The following SORL1 variants were observed in gnomAD, a reference collection of about 807,000 sequenced individuals.
SORL1 encodes the protein sortilin related receptor 1, also known as sortilin-related receptor.
A neutral mutation model predicts 273.7 loss-of-function variants in SORL1; 127 were observed. The observed-to-expected ratio is 0.46, with a 90% CI of 0.40 to 0.54. The LOEUF is 0.54. SORL1 is among the 20% of genes least tolerant of loss of function. The pLI is 0.00. For synonymous variants in SORL1, 1,031 were observed against 1,067.4 expected (o/e 0.97, Z 0.66); for missense variants, 2,494 against 2,846.1 (o/e 0.88, Z 2.81).
chr11:121,565,666 TC>T (rs981958633), intron 21 of SORL1, among the ~76,000 whole-genome samples: 36 of 152,314 alleles, frequency 2.4e-4, no homozygotes, highest in African/African-American at 8.4e-4. Flanking sequence ...ATAATTGCAG[TC>T]AAAAGAAAAA....
chr11:121,604,439 T>G lies in SORL1; in HGVS notation c.4651+115T>G. 3.7e-6 allele frequency: 5 copies of G among 1,338,732 alleles called. 1 individual carries two copies. The South Asian group carries it at 7.4e-5, about 20-fold the overall frequency. 82.9% of individuals were successfully genotyped at this position (1,338,732 alleles called of 1,614,324 possible). A position where few individuals can be genotyped will look rare whatever the true frequency, so the allele number is the denominator to read the frequency against. ...GACCCTTTTGAACTGTTGCTCAATC[T>G]AAGGATAAAACAGATTTGTGCCTAG... On this transcript the variant is annotated intron_variant, in intron 33 of 47. Coordinates refer to ENST00000260197, the MANE Select transcript of SORL1 (RefSeq NM_003105.6).
intron 7 of SORL1, among the ~76,000 whole-genome samples, chr11:121,513,803 A>G (rs1861913195): frequency 6.6e-6 from 1 of 152,246 alleles, no homozygotes; most frequent in African/African-American, 2.4e-5. Flanking sequence ...GGAAAAATAA[A>G]GGGAAGTGCA....
chr11:121,630,866 A>C lies in SORL1; in HGVS notation c.*1303A>C, dbSNP rs536121407. The C allele has an allele frequency of 6.6e-6, 1 of 152,224 alleles. No homozygotes were observed. Among genetic ancestry groups the C allele is most frequent in the African/African-American group, 2.4e-5 (1 of 41,444 alleles). 9.4% of individuals were successfully genotyped at this position (152,224 alleles called of 1,614,324 possible). On this transcript the variant is annotated 3_prime_UTR_variant, in exon 48 of 48. Transcript: ENST00000260197. ...TTCAAACCATGGCCACTTGATACTTATGTAGAATCCATCGTGGGCTGATGC... is the reference window on the plus strand; with the variant it reads ...TTCAAACCATGGCCACTTGATACTTCTGTAGAATCCATCGTGGGCTGATGC...
chr11:121,560,802 G>A lies in SORL1; in HGVS notation c.3049+1145G>A, dbSNP rs1862660992. Among the ~76,000 whole-genome samples the A allele has an allele frequency of 2.0e-5, 3 of 152,204 alleles. No individual in the cohort carries two copies. The South Asian group carries it at 6.2e-4, about 32-fold the overall frequency. ...TCTTCACCACTGACCTGTGAGGTAG[G>A]GAAGGCTGGTATTATGATCCATGGT... is the stretch of plus-strand genomic sequence containing the variant. On this transcript the variant is annotated intron_variant, in intron 21 of 47. Transcript: ENST00000260197.
chr11:121,616,316 C>T (rs773822842), intron 41 of SORL1, among the ~76,000 whole-genome samples: 9 of 152,138 alleles, frequency 5.9e-5, no homozygotes, highest in Non-Finnish European at 8.8e-5. Context: ...GAGGTGAGAG[C>T]GCAAATGAGA....
In SORL1 at chr11:121,627,888, C is replaced by A; in HGVS notation, c.6577+121C>A. The A allele has an allele frequency of 1.5e-6, 1 of 655,586 alleles. No individual in the cohort carries two copies. Among genetic ancestry groups the A allele is most frequent in the Non-Finnish European group, 2.6e-6 (1 of 384,908 alleles). 40.6% of individuals were successfully genotyped at this position (655,586 alleles called of 1,614,324 possible). A position where few individuals can be genotyped will look rare whatever the true frequency, so the allele number is the denominator to read the frequency against. ...TGACCCTGGAGGAGCTCTTCATCAG[C>A]CAGCGATTTGATTCCATGAGTTTTG... is the stretch of plus-strand genomic sequence containing the variant. On this transcript the variant is annotated intron_variant, in intron 47 of 47. Coordinates refer to ENST00000260197, the MANE Select transcript of SORL1 (RefSeq NM_003105.6). This position sits in a 1 kb window ranked among gnomAD's most constrained non-coding sequence, Gnocchi z 4.9.
At chr11:121,587,896 T>A in intron 27 of SORL1, 124 bp from the exon 28 acceptor site, 1 of 1,135,110 alleles carries the variant, frequency 8.8e-7, no homozygotes, top group Admixed American at 2.2e-5. Flanking sequence ...AAGTGCTCAA[T>A]AAATTGTGGC....
chr11:121,487,671 G>A (rs535119919), intron 3 of SORL1, among the ~76,000 whole-genome samples: 4 of 152,302 alleles, frequency 2.6e-5, no homozygotes, highest in Non-Finnish European at 5.9e-5. Flanking sequence ...CCAGATGCCA[G>A]TAACTACCCT....
At chr11:121,453,405 A>G (rs1045920565) in intron 1 of SORL1, among the ~76,000 whole-genome samples, 1 of 152,190 alleles carries the variant, frequency 6.6e-6, no homozygotes, top group Non-Finnish European at 1.5e-5. Flanking sequence ...ACTGCGAGGA[A>G]TTGCAGATGG....
intron 23 of SORL1, among the ~76,000 whole-genome samples, chr11:121,573,934 G>A (rs1447849460): frequency 6.6e-6 from 1 of 152,156 alleles, no homozygotes. Context: ...CACTTTTCGC[G>A]TCTGAAGGGA....
chr11:121,495,443 TGG>T (rs374284634), intron 5 of SORL1, among the ~76,000 whole-genome samples: 4 of 151,228 alleles, frequency 2.6e-5, no homozygotes, highest in African/African-American at 9.7e-5. Context: ...TTGGGAGGGG[TGG>T]GGGGAATATG....
At chr11:121,545,600 G>A (rs953199432) in intron 14 of SORL1, among the ~76,000 whole-genome samples, 171 bp downstream of exon 14, 1 of 152,212 alleles carries the variant, frequency 6.6e-6, no homozygotes. Context: ...CATGTTTCAT[G>A]TAAGTTGTTT....
intron 21 of SORL1, among the ~76,000 whole-genome samples, chr11:121,565,643 AT>A (rs1259975045): frequency 6.6e-6 from 1 of 152,102 alleles, no homozygotes; most frequent in African/African-American, 2.4e-5. Flanking sequence ...CATTTTTCCC[AT>A]TTTCATGATT....
At chr11:121,588,191 A>G (rs1316866869) in intron 28 of SORL1, 40 bp downstream of exon 28, 5 of 1,608,256 alleles carry the variant, frequency 3.1e-6, no homozygotes, top group East Asian at 2.2e-5. Context: ...CACGGTCACT[A>G]AAGAACTTGC....
At chr11:121,502,904 C>G (rs949273223) in intron 6 of SORL1, among the ~76,000 whole-genome samples, 5 of 152,138 alleles carry the variant, frequency 3.3e-5, no homozygotes, top group Admixed American at 2.0e-4. Flanking sequence ...GGGTCTTCCT[C>G]TGTCACCCAG....
chr11:121,506,277 A>G (rs901914149), intron 6 of SORL1, among the ~76,000 whole-genome samples: 4 of 152,164 alleles, frequency 2.6e-5, no homozygotes, highest in African/African-American at 7.2e-5. Context: ...TTCTGGGTAC[A>G]GTAAACATGG....
chr11:121,502,544 C>T (rs2134830608), intron 6 of SORL1, among the ~76,000 whole-genome samples: 1 of 152,218 alleles, frequency 6.6e-6, no homozygotes, highest in African/African-American at 2.4e-5. Flanking sequence ...TTCCCATATC[C>T]TTGTCAACAT....
intron 3 of SORL1, among the ~76,000 whole-genome samples, chr11:121,479,516 T>C (rs1478676148): frequency 6.6e-6 from 1 of 152,204 alleles, no homozygotes; most frequent in African/African-American, 2.4e-5. Context: ...GCATTCAAAA[T>C]ATTTAGCGAC....
At chr11:121,540,091 T>G (rs1171524225) in intron 12 of SORL1, among the ~76,000 whole-genome samples, 1 of 152,222 alleles carries the variant, frequency 6.6e-6, no homozygotes, top group Non-Finnish European at 1.5e-5. Context: ...TAACTGAATT[T>G]GTTGCTCTTG....
Sources: allele counts gnomAD v4.1 joint callset (sites outside exome capture counted in the v4.1 genomes callset), GRCh38; gene constraint gnomAD v4.1.1; non-coding constraint Gnocchi (gnomAD v3.1); transcripts MANE v1.5; gene names NCBI Gene and HGNC (gene_info 2026-07-23, HGNC 2026-07-21).